RASGRP1: variants seen among roughly 807,000 people sequenced by gnomAD.
RASGRP1 encodes the protein RAS guanyl releasing protein 1.
In RASGRP1, 37 loss-of-function variants were observed where a neutral mutation model predicts 95.1. That is an observed-to-expected ratio of 0.39 (90% CI 0.30 to 0.51). The LOEUF is 0.51. Among genes scored for constraint, RASGRP1 ranks in the 20% least tolerant of loss-of-function variants. The probability of loss-of-function intolerance (pLI) is 0.80; values close to 1 mark genes in which losing one functional copy is unlikely to be tolerated. For missense variants in RASGRP1, 711 were observed against 965.4 expected (o/e 0.74, Z 3.49); for synonymous variants, 325 against 353.4 (o/e 0.92, Z 0.90).
intron 2 of RASGRP1, among the ~76,000 whole-genome samples, chr15:38,559,378 C>A (rs929456805): frequency 6.6e-6 from 1 of 152,200 alleles, no homozygotes; most frequent in African/African-American, 2.4e-5. Flanking sequence ...TCCTATTCCA[C>A]CACATCTGCC....
At chr15:38,548,584 T>G (rs1893196584) in intron 2 of RASGRP1, among the ~76,000 whole-genome samples, 1 of 152,018 alleles carries the variant, frequency 6.6e-6, no homozygotes, top group African/African-American at 2.4e-5. Flanking sequence ...AAAAAAAGAT[T>G]ATGGAAAATT....
chr15:38,494,064 G>A (rs561866246), intron 16 of RASGRP1, among the ~76,000 whole-genome samples: 2 of 152,298 alleles, frequency 1.3e-5, no homozygotes, highest in African/African-American at 4.8e-5. Flanking sequence ...CTACTAAACA[G>A]GGCTTTGGGC....
chr15:38,490,461 C>A lies in RASGRP1; in HGVS notation c.*93G>T. ...TTCCTTTTAAAGTACTGTTTTAAAGCTGGTCAGTGTAAAGTTCCTCAGGTC... is the reference window on the plus strand; with the variant it reads ...TTCCTTTTAAAGTACTGTTTTAAAGATGGTCAGTGTAAAGTTCCTCAGGTC... On this transcript the variant is annotated 3_prime_UTR_variant, in exon 17 of 17. Coordinates refer to ENST00000310803, the MANE Select transcript of RASGRP1 (RefSeq NM_005739.4). 7.7e-7 allele frequency: 1 copy of A among 1,297,550 alleles called. No homozygotes were observed. Among genetic ancestry groups the A allele is most frequent in the Non-Finnish European group, 1.0e-6 (1 of 970,812 alleles). The allele number at this position is 1,297,550 out of a possible 1,614,324, so 80.4% of individuals were successfully genotyped here. A position where few individuals can be genotyped will look rare whatever the true frequency, so the allele number is the denominator to read the frequency against.
intron 12 of RASGRP1, 120 bp from the exon 13 acceptor site, chr15:38,501,407 G>A (rs1412963373): frequency 8.5e-7 from 1 of 1,174,814 alleles, no homozygotes; most frequent in Non-Finnish European, 1.3e-6. Context: ...AATATGGTAT[G>A]TGCTACCTCA....
At position 38,489,235 on chromosome 15, in the gene RASGRP1, A is replaced by G. The variant is rs1469169696; in HGVS notation, c.*1319T>C. ...TGGAAGCTAAGTACCCCCAAAAAGGAAAATGATCATATGATTTTTTTTTTT... is the reference window on the plus strand; with the variant it reads ...TGGAAGCTAAGTACCCCCAAAAAGGGAAATGATCATATGATTTTTTTTTTT... On this transcript the variant is annotated 3_prime_UTR_variant, in exon 17 of 17. Transcript: ENST00000310803. The G allele has an allele frequency of 6.6e-6, 1 of 151,756 alleles. No homozygotes were observed. The highest frequency in any genetic ancestry group is 1.5e-5 in the Non-Finnish European group (1 of 67,868). 9.4% of individuals were successfully genotyped at this position (151,756 alleles called of 1,614,324 possible). A position where few individuals can be genotyped will look rare whatever the true frequency, so the allele number is the denominator to read the frequency against.
intron 2 of RASGRP1, among the ~76,000 whole-genome samples, chr15:38,547,668 T>C (rs1270979514): frequency 6.6e-6 from 1 of 152,152 alleles, no homozygotes; most frequent in Non-Finnish European, 1.5e-5. Context: ...ACCTTTAAAA[T>C]TTTTTACCAT....
intron 2 of RASGRP1, among the ~76,000 whole-genome samples, chr15:38,550,973 C>A (rs1157829109): frequency 1.3e-5 from 2 of 152,038 alleles, no homozygotes; most frequent in Non-Finnish European, 2.9e-5. Context: ...AATACAAGAA[C>A]TTATAAAATA....
chr15:38,534,872 A>G (rs769111550), intron 2 of RASGRP1, among the ~76,000 whole-genome samples: 2 of 152,192 alleles, frequency 1.3e-5, no homozygotes, highest in Non-Finnish European at 2.9e-5. Context: ...GGGCCAGAGT[A>G]GTAGAGCAGG....
intron 2 of RASGRP1, among the ~76,000 whole-genome samples, chr15:38,548,456 C>T (rs749728910): frequency 2.2e-4 from 34 of 152,098 alleles, no homozygotes; most frequent in Non-Finnish European, 4.7e-4. Flanking sequence ...TGCTTATAGT[C>T]CCAGCTACTC....
chr15:38,564,494 C>A, intron 1 of RASGRP1, 100 bp downstream of exon 1: 1 of 1,177,012 alleles, frequency 8.5e-7, no homozygotes, highest in South Asian at 3.6e-5. Context: ...CGGCCCCCCT[C>A]CGCCCTCAAC....
Position 38,507,817 on chromosome 15 carries a change from A to G in RASGRP1, c.1151T>C (p.Leu384Pro). The change falls in exon 9 of 17, where the codon CTG (leucine) becomes CCG (proline). Residue 384 changes from leucine to proline, a missense_variant. By Grantham distance (98) the Leu-to-Pro change is moderately conservative. This residue lies in a region of RASGRP1 where 491 missense variants were observed against 676.6 expected (regional missense o/e 0.73). Transcript: ENST00000310803. ...EDGKVNVHKL[L>P]ALYNHISELV... Reference sequence around the variant, plus strand: ...TTCACTGATATGATTGTATAGGGCCAGTAGCTTATGGACGTTCACTTTCCC... The same window carrying G: ...TTCACTGATATGATTGTATAGGGCCGGTAGCTTATGGACGTTCACTTTCCC... 1 of 1,613,098 alleles carries G rather than the reference A, an allele frequency of 6.2e-7. No homozygotes were observed. Among genetic ancestry groups the G allele is most frequent in the Non-Finnish European group, 8.5e-7 (1 of 1,179,650 alleles).
At chr15:38,503,416 G>T in intron 10 of RASGRP1, 40 bp from the exon 11 acceptor site, 1 of 1,390,360 alleles carries the variant, frequency 7.2e-7, no homozygotes, top group Non-Finnish European at 1.0e-6. Context: ...TGACTACAAT[G>T]CAATATTATA....
chr15:38,533,397 A>G (rs1247566895), intron 2 of RASGRP1, among the ~76,000 whole-genome samples: 5 of 152,222 alleles, frequency 3.3e-5, no homozygotes, highest in Non-Finnish European at 7.3e-5. Flanking sequence ...TAACTATGTG[A>G]TAAATATTCC....
chr15:38,549,409 C>T (rs1230601764), intron 2 of RASGRP1, among the ~76,000 whole-genome samples: 1 of 152,186 alleles, frequency 6.6e-6, no homozygotes, highest in Non-Finnish European at 1.5e-5. Context: ...TTCTTGGCTT[C>T]CTGAATATTG....
intron 5 of RASGRP1, among the ~76,000 whole-genome samples, chr15:38,517,744 C>T (rs1189230259): frequency 6.6e-6 from 1 of 152,168 alleles, no homozygotes; most frequent in Non-Finnish European, 1.5e-5. Context: ...ATACATTCCC[C>T]TCCCCCTAAT....
chr15:38,559,485 G>A (rs975230655), intron 2 of RASGRP1, among the ~76,000 whole-genome samples: 1 of 152,130 alleles, frequency 6.6e-6, no homozygotes, highest in Non-Finnish European at 1.5e-5. Context: ...GTCTTTATGT[G>A]CCCCAAGAAG....
chr15:38,531,081 A>G (rs969263160), intron 2 of RASGRP1, among the ~76,000 whole-genome samples: 6 of 152,242 alleles, frequency 3.9e-5, no homozygotes, highest in African/African-American at 1.4e-4. Context: ...TAATTAGCAT[A>G]GCAGCTATCA....
intron 6 of RASGRP1, among the ~76,000 whole-genome samples, chr15:38,514,333 G>GA (rs1425089651): frequency 6.6e-6 from 1 of 152,042 alleles, no homozygotes; most frequent in Non-Finnish European, 1.5e-5. Context: ...GGTTCTAAAA[G>GA]AAAGTAGCCA....
rs1010037149 is a variant in RASGRP1, at chr15:38,488,241, A to G, written c.*2313T>C. ...ATACATTTTGAGACAGAAATTCACA[A>G]CGGTCAGTAAAAAGGTAAGTCAGCA... On this transcript the variant is annotated 3_prime_UTR_variant, in exon 17 of 17. Transcript: ENST00000310803. The G allele has an allele frequency of 1.3e-5, 2 of 152,018 alleles. No individual in the cohort carries two copies. The highest frequency in any genetic ancestry group is 1.5e-5 in the Non-Finnish European group (1 of 67,886). 9.4% of individuals were successfully genotyped at this position (152,018 alleles called of 1,614,324 possible). A position where few individuals can be genotyped will look rare whatever the true frequency, so the allele number is the denominator to read the frequency against.
Sources: allele counts gnomAD v4.1 joint callset (sites outside exome capture counted in the v4.1 genomes callset), GRCh38; gene constraint gnomAD v4.1.1; regional missense constraint gnomAD v4.1.1; transcripts MANE v1.5; gene names NCBI Gene and HGNC (gene_info 2026-07-23, HGNC 2026-07-21).